The following PTPRD variants were observed in gnomAD, a reference collection of about 807,000 sequenced individuals.
The protein encoded by PTPRD is protein tyrosine phosphatase receptor type D.
A neutral mutation model predicts 214.5 loss-of-function variants in PTPRD; 34 were observed. The observed-to-expected ratio is 0.16, with a 90% CI of 0.12 to 0.21. The LOEUF (loss-of-function observed/expected upper bound fraction) is 0.21, where lower values mean the gene tolerates loss of function less well. PTPRD is among the 10% of genes least tolerant of loss of function. The pLI is 1.00. For synonymous variants in PTPRD, 1,128 were observed against 845.7 expected (o/e 1.33, Z -5.79); for missense variants, 2,545 against 2,398.7 (o/e 1.06, Z -1.27).
chr9:9,380,912 T>C (rs1475483650), intron 9 of PTPRD, among the ~76,000 whole-genome samples: 2 of 152,188 alleles, frequency 1.3e-5, no homozygotes, highest in African/African-American at 2.4e-5. Flanking sequence ...CTTGGAGAAT[T>C]GACCTTTTTA....
chr9:10,541,475 T>C (rs1164393061), intron 2 of PTPRD, among the ~76,000 whole-genome samples: 6 of 152,116 alleles, frequency 3.9e-5, no homozygotes, highest in South Asian at 4.1e-4. Flanking sequence ...CTGTTGATTA[T>C]TAAAGAGTAA....
At chr9:9,922,318 G>C (rs960949454) in intron 5 of PTPRD, among the ~76,000 whole-genome samples, 4 of 152,080 alleles carry the variant, frequency 2.6e-5, no homozygotes, top group African/African-American at 7.2e-5. Flanking sequence ...ACTATTCTGT[G>C]AATAAATTAA....
intron 11 of PTPRD, among the ~76,000 whole-genome samples, chr9:8,857,186 G>A (rs532435074): frequency 2.6e-5 from 4 of 151,088 alleles, no homozygotes; most frequent in Middle Eastern, 3.4e-3. Context: ...TAGTTCAGAG[G>A]AAAGAAAGAA....
At chr9:8,754,960 A>C (rs1331643694) in intron 11 of PTPRD, among the ~76,000 whole-genome samples, 4 of 152,174 alleles carry the variant, frequency 2.6e-5, no homozygotes, top group Admixed American at 6.5e-5. Context: ...AAAAGGACTG[A>C]ACAATGTTAG....
rs373063837 is a variant in PTPRD, at chr9:9,020,501, T to C, written c.-142-1766A>G. On this transcript the variant is annotated intron_variant, in intron 10 of 45. Coordinates refer to ENST00000381196, the MANE Select transcript of PTPRD (RefSeq NM_002839.4). ...TACAAAGAAAAGGCTGGTTGAGGCA[T>C]TGAATGTGAAGGTAAGACAAAATAA... Among the ~76,000 whole-genome samples, 25 of 152,252 alleles carry C rather than the reference T, an allele frequency of 1.6e-4. No homozygotes were observed. In the South Asian group the frequency reaches 5.2e-3, roughly 32 times the overall value.
intron 10 of PTPRD, among the ~76,000 whole-genome samples, chr9:9,068,461 T>C (rs1300646372): frequency 6.6e-6 from 1 of 152,164 alleles, no homozygotes; most frequent in African/African-American, 2.4e-5. Context: ...CCACCAACAA[T>C]GCATATGCAA....
chr9:8,966,345 A>G (rs532208108), intron 11 of PTPRD, among the ~76,000 whole-genome samples: 2 of 152,254 alleles, frequency 1.3e-5, no homozygotes, highest in South Asian at 4.1e-4. Context: ...CCTGACTTCA[A>G]ACTATACTAT....
intron 2 of PTPRD, among the ~76,000 whole-genome samples, chr9:10,544,134 C>T (rs540752977): frequency 2.6e-4 from 40 of 152,090 alleles, no homozygotes; most frequent in Non-Finnish European, 5.7e-4. Flanking sequence ...TATAAGTAGG[C>T]TCTTTCTACA....
intron 11 of PTPRD, among the ~76,000 whole-genome samples, chr9:8,817,281 T>G (rs1202361994): frequency 6.6e-6 from 1 of 152,198 alleles, no homozygotes; most frequent in African/African-American, 2.4e-5. Flanking sequence ...GCCAATGGAT[T>G]TTATAAGAAA....
chr9:9,944,166 A>T (rs1024912083), intron 4 of PTPRD, among the ~76,000 whole-genome samples: 2 of 152,120 alleles, frequency 1.3e-5, no homozygotes, highest in Middle Eastern at 3.2e-3. Flanking sequence ...ATTGCAGCTC[A>T]TCTTTCCTGT....
At chr9:9,095,563 C>T (rs1309741265) in intron 10 of PTPRD, among the ~76,000 whole-genome samples, 1 of 152,096 alleles carries the variant, frequency 6.6e-6, no homozygotes, top group Non-Finnish European at 1.5e-5. Context: ...CTCTTGGCCT[C>T]AAGTAATCCT....
intron 30 of PTPRD, among the ~76,000 whole-genome samples, chr9:8,481,292 G>C (rs1164153691): frequency 1.4e-5 from 2 of 139,912 alleles, no homozygotes; most frequent in East Asian, 4.4e-4. Context: ...ACTGATTTTA[G>C]TAATAATCTT....
At chr9:8,875,251 C>T (rs1381357949) in intron 11 of PTPRD, among the ~76,000 whole-genome samples, 3 of 152,146 alleles carry the variant, frequency 2.0e-5, no homozygotes, top group Non-Finnish European at 2.9e-5. Context: ...CTAGGACAGG[C>T]GTGGTAGCCC....
intron 11 of PTPRD, among the ~76,000 whole-genome samples, chr9:8,838,753 T>G (rs762505090): frequency 6.6e-6 from 1 of 152,140 alleles, no homozygotes; most frequent in Non-Finnish European, 1.5e-5. Flanking sequence ...GGTCAGTGAA[T>G]ACTTTCAGAT....
intron 14 of PTPRD, among the ~76,000 whole-genome samples, chr9:8,557,330 A>G (rs1593664979): frequency 2.0e-5 from 3 of 151,778 alleles, no homozygotes; most frequent in East Asian, 1.9e-4. Context: ...AGAACTCAAT[A>G]CATGTCATGC....
intron 11 of PTPRD, among the ~76,000 whole-genome samples, chr9:8,858,536 T>C (rs535502548): frequency 6.6e-6 from 1 of 152,214 alleles, no homozygotes; most frequent in African/African-American, 2.4e-5. Flanking sequence ...GAAAGGCTTC[T>C]CTCTTTGTTT....
chr9:8,746,434 C>T (rs993370084), intron 11 of PTPRD, among the ~76,000 whole-genome samples: 6 of 152,226 alleles, frequency 3.9e-5, no homozygotes, highest in African/African-American at 1.2e-4. Context: ...AATATTATTC[C>T]AATACTCACT....
At chr9:10,473,539 C>G (rs2099044356) in intron 2 of PTPRD, among the ~76,000 whole-genome samples, 1 of 152,040 alleles carries the variant, frequency 6.6e-6, no homozygotes, top group African/African-American at 2.4e-5. Flanking sequence ...TATGTGTACA[C>G]ATATGTGTTT....
intron 2 of PTPRD, among the ~76,000 whole-genome samples, chr9:10,533,813 T>C (rs1392046518): frequency 6.6e-6 from 1 of 151,860 alleles, no homozygotes; most frequent in Non-Finnish European, 1.5e-5. Context: ...ATTTCATGCA[T>C]ACTTTCATCT....
Sources: gnomAD v4.1 joint callset for allele counts (sites outside exome capture counted in the v4.1 genomes callset) on GRCh38, gnomAD v4.1.1 for gene constraint, MANE v1.5 for transcripts, NCBI Gene and HGNC (gene_info 2026-07-23, HGNC 2026-07-21) for gene names.